Variants in CEMIP2 observed in about 807,000 individuals in gnomAD.
CEMIP2 encodes cell migration inducing hyaluronidase 2.
In CEMIP2, 79 loss-of-function variants were observed where a neutral mutation model predicts 146.9. The ratio of observed to expected loss-of-function variants is 0.54; its 90% CI spans 0.45 to 0.65. CEMIP2 has a LOEUF of 0.65. CEMIP2 is among the 30% of genes least tolerant of loss of function. The pLI, the probability that CEMIP2 is intolerant of heterozygous loss-of-function variation, is 0.00. For missense variants in CEMIP2, 1,596 were observed against 1,696.2 expected (o/e 0.94, Z 1.04); for synonymous variants, 601 against 606.3 (o/e 0.99, Z 0.13).
At chr9:71,734,415 T>C (rs1435540020) in intron 6 of CEMIP2, among the ~76,000 whole-genome samples, 1 of 152,168 alleles carries the variant, frequency 6.6e-6, no homozygotes, top group Non-Finnish European at 1.5e-5. Flanking sequence ...CTTGGATTAA[T>C]ACTTAGGTGA....
At chr9:71,688,240 G>T (rs1021645828) in intron 22 of CEMIP2, among the ~76,000 whole-genome samples, 1 of 151,998 alleles carries the variant, frequency 6.6e-6, no homozygotes. Context: ...TAATTAAAAG[G>T]TAACATTAGA....
At position 71,722,420 on chromosome 9, in the gene CEMIP2, G is replaced by A; in HGVS notation, c.2267+7C>T. Reference sequence around the variant, plus strand: ...GCTTGAGTGTGACTTAAAAGAGCCAGCTTTACCTTGCACTATTGTCCAAAC... The same window carrying A: ...GCTTGAGTGTGACTTAAAAGAGCCAACTTTACCTTGCACTATTGTCCAAAC... On this transcript the variant is annotated splice_region_variant and intron_variant, in intron 12 of 23. Transcript: ENST00000377044. 1 of 1,607,280 alleles carries A rather than the reference G, an allele frequency of 6.2e-7. No individual in the cohort carries two copies. The highest frequency in any genetic ancestry group is 8.5e-7 in the Non-Finnish European group (1 of 1,177,656).
At chr9:71,726,005 T>C (rs970605582) in intron 10 of CEMIP2, among the ~76,000 whole-genome samples, 2 of 152,244 alleles carry the variant, frequency 1.3e-5, no homozygotes, top group African/African-American at 4.8e-5. Flanking sequence ...TTAAAAGTTA[T>C]GCAGAATTAA....
At position 71,744,898 on chromosome 9, in the gene CEMIP2, T is replaced by TGGTAGAGTGGCCCTTCTGATGCC. The variant is rs1298566273; in HGVS notation, c.1034+97_1034+119dup. On this transcript the variant is annotated intron_variant, in intron 4 of 23. Coordinates refer to ENST00000377044, the MANE Select transcript of CEMIP2 (RefSeq NM_013390.3). ...GTCTCAAAGCTACCAGACATGCAAA[T>TGGTAGAGTGGCCCTTCTGATGCC]GGTAGAGTGGCCCTTCTGATGCCTG... 2.6e-5 allele frequency: 27 copies of TGGTAGAGTGGCCCTTCTGATGCC among 1,039,568 alleles called. No individual in the cohort carries two copies. In the African/African-American group the frequency reaches 4.0e-4, roughly 15 times the overall value. The allele number at this position is 1,039,568 out of a possible 1,614,324, so 64.4% of individuals were successfully genotyped here. A position where few individuals can be genotyped will look rare whatever the true frequency, so the allele number is the denominator to read the frequency against.
chr9:71,754,667 C>A (rs1361219574), intron 1 of CEMIP2, among the ~76,000 whole-genome samples: 6 of 152,064 alleles, frequency 3.9e-5, no homozygotes, highest in Admixed American at 6.6e-5. Flanking sequence ...CTCTACAAAG[C>A]TTTTAAAACA....
At chr9:71,740,281 C>G (rs201155083) in intron 4 of CEMIP2, 49 bp from the exon 5 acceptor site, 2 of 1,587,334 alleles carry the variant, frequency 1.3e-6, no homozygotes, top group African/African-American at 2.7e-5. Flanking sequence ...ATGGTATTCA[C>G]AAAATCCCTG....
At chr9:71,749,332 C>A (rs1824178488) in intron 2 of CEMIP2, among the ~76,000 whole-genome samples, 1 of 151,692 alleles carries the variant, frequency 6.6e-6, no homozygotes, top group Non-Finnish European at 1.5e-5. Context: ...TTTCAAGCCA[C>A]AAACACAAAT....
In CEMIP2 at chr9:71,758,570, G is replaced by A. The variant is rs1824532392; in HGVS notation, c.-12-8185C>T. Among the ~76,000 whole-genome samples, 3 of 152,168 alleles carry A rather than the reference G, an allele frequency of 2.0e-5. No homozygotes were observed. The South Asian group carries it at 6.2e-4, about 31-fold the overall frequency. ...CAAGCAAAGGTGGTCTTGTTATGTAGATGAACCGAACCTCACAGGTAGCAC... is the reference window on the plus strand; with the variant it reads ...CAAGCAAAGGTGGTCTTGTTATGTAAATGAACCGAACCTCACAGGTAGCAC... On this transcript the variant is annotated intron_variant, in intron 1 of 23. Coordinates refer to ENST00000377044, the MANE Select transcript of CEMIP2 (RefSeq NM_013390.3).
At position 71,730,066 on chromosome 9, in the gene CEMIP2, A is replaced by G. The variant is rs1324536621; in HGVS notation, c.1961T>C (p.Val654Ala). The change falls in exon 9 of 24, where the codon GTG becomes GCG. Residue 654 changes from valine to alanine, a missense_variant. Physicochemically the swap from Val to Ala is moderately conservative, Grantham distance 64 (BLOSUM62 0). Coordinates refer to ENST00000377044, the MANE Select transcript of CEMIP2 (RefSeq NM_013390.3). Reference protein sequence around the residue: ...RDKVFGNYIPVPATDCMAVST... With the variant: ...RDKVFGNYIPAPATDCMAVST... Reference sequence around the variant, plus strand: ...TACTCACATACAGTCAGTAGCAGGCACAGGAATGTAATTTCCAAACACTTT... The same window carrying G: ...TACTCACATACAGTCAGTAGCAGGCGCAGGAATGTAATTTCCAAACACTTT... The G allele has an allele frequency of 1.9e-6, 3 of 1,614,218 alleles. No homozygotes were observed. In the Admixed American group the frequency reaches 5.0e-5, roughly 27 times the overall value.
At chr9:71,700,592 C>A in intron 19 of CEMIP2, 50 bp downstream of exon 19, 1 of 1,524,034 alleles carries the variant, frequency 6.6e-7, no homozygotes, top group Non-Finnish European at 8.8e-7. Flanking sequence ...GCAATTTCAC[C>A]ATTAAAGAAA....
chr9:71,741,669 A>G, intron 4 of CEMIP2, among the ~76,000 whole-genome samples: 1 of 98,972 alleles, frequency 1.0e-5, no homozygotes, highest in Non-Finnish European at 1.8e-5. Context: ...ACAGAGTCTC[A>G]CTCTTGTCGC....
rs10869056 is a variant in CEMIP2 at position 71,728,302 on chromosome 9, C to A, written c.2049+1543G>T. On this transcript the variant is annotated intron_variant, in intron 10 of 23. Coordinates refer to ENST00000377044, the MANE Select transcript of CEMIP2 (RefSeq NM_013390.3). The stretch of plus-strand genomic sequence containing the variant: ...ATATGTATATATATATATATATATA[C>A]ATATATATATATATACGTATATATA... Among the ~76,000 whole-genome samples, 86 of 11,542 alleles carry A rather than the reference C, an allele frequency of 7.5e-3. 13 individuals carry two copies. The highest frequency in any genetic ancestry group is 0.039 in the South Asian group (11 of 284). The allele number at this position is 11,542 out of a possible 152,430, so 7.6% of individuals were successfully genotyped here. A position where few individuals can be genotyped will look rare whatever the true frequency, so the allele number is the denominator to read the frequency against.
In CEMIP2 at chr9:71,732,477, T is replaced by C. The variant is rs759505092; in HGVS notation, c.1437A>G (p.Val479=). The C allele has an allele frequency of 3.6e-5, 58 of 1,613,822 alleles. No individual in the cohort carries two copies. In the Admixed American group the frequency reaches 9.5e-4, roughly 26 times the overall value. The change falls in exon 7 of 24, where the codon GTA becomes GTG. Residue 479 remains valine, a synonymous_variant. Coordinates refer to ENST00000377044, the MANE Select transcript of CEMIP2 (RefSeq NM_013390.3). ...FLHMGEIIDG[V]DMRAEVGILT... ...GAATTCCAACCTCAGCTCTCATGTC[T>C]ACACCGTCTATGATCTCACCCATGT...
intron 16 of CEMIP2, among the ~76,000 whole-genome samples, chr9:71,711,685 C>G (rs1233127455): frequency 1.3e-5 from 2 of 152,158 alleles, no homozygotes; most frequent in African/African-American, 4.8e-5. Flanking sequence ...ATTCTCTAGT[C>G]CCCCAGAAGA....
chr9:71,687,314 C>A (rs981266251), intron 22 of CEMIP2: 4 of 152,318 alleles, frequency 2.6e-5, no homozygotes, highest in Non-Finnish European at 5.9e-5. Flanking sequence ...CATCCCCCTC[C>A]ACCTCCAGTC....
At chr9:71,707,081 A>G (rs1053142472) in intron 17 of CEMIP2, among the ~76,000 whole-genome samples, 1 of 151,928 alleles carries the variant, frequency 6.6e-6, no homozygotes, top group East Asian at 1.9e-4. Context: ...ACCTGCCTCA[A>G]CCTCCCAAAG....
At chr9:71,736,858 A>G (rs1823774069) in intron 5 of CEMIP2, among the ~76,000 whole-genome samples, 1 of 152,164 alleles carries the variant, frequency 6.6e-6, no homozygotes, top group Non-Finnish European at 1.5e-5. Flanking sequence ...AATTAACAGC[A>G]TACTACCCTG....
chr9:71,746,428 T>G, intron 2 of CEMIP2, 87 bp from the exon 3 acceptor site: 1 of 1,507,980 alleles, frequency 6.6e-7, no homozygotes, highest in Non-Finnish European at 9.0e-7. Flanking sequence ...TTACTGCAGA[T>G]CTGCAAAAAA....
intron 5 of CEMIP2, among the ~76,000 whole-genome samples, chr9:71,739,593 C>T (rs920277254): frequency 2.6e-5 from 4 of 151,210 alleles, no homozygotes; most frequent in African/African-American, 9.7e-5. Flanking sequence ...TCACGCCAAG[C>T]CCAGAAGATT....
Sources: gnomAD v4.1 joint callset for allele counts (sites outside exome capture counted in the v4.1 genomes callset) on GRCh38, gnomAD v4.1.1 for gene constraint, MANE v1.5 for transcripts, NCBI Gene and HGNC (gene_info 2026-07-23, HGNC 2026-07-21) for gene names.